Variants in F13A1 observed in about 807,000 individuals in gnomAD.
The protein encoded by F13A1 is coagulation factor XIII A chain.
In F13A1, 47 loss-of-function variants were observed where a neutral mutation model predicts 80.1. That is an observed-to-expected ratio of 0.59 (90% CI 0.46 to 0.75). The LOEUF is 0.75. F13A1 is among the 30% of genes least tolerant of loss of function. F13A1 has a pLI of 0.00. For missense variants in F13A1, 817 were observed against 930.4 expected, an observed-to-expected ratio of 0.88 and a Z score of 1.59; for synonymous variants, 349 against 344.9, an observed-to-expected ratio of 1.01 and a Z score of -0.13.
chr6:6,167,061 G>A (rs1196775747), intron 13 of F13A1, among the ~76,000 whole-genome samples: 1 of 152,112 alleles, frequency 6.6e-6, no homozygotes, highest in Non-Finnish European at 1.5e-5. Flanking sequence ...CAATATTACT[G>A]TCCAAAATGT....
At chr6:6,251,759 T>C (rs569301150) in intron 4 of F13A1, among the ~76,000 whole-genome samples, 1 of 152,268 alleles carries the variant, frequency 6.6e-6, no homozygotes, top group South Asian at 2.1e-4. Context: ...AAAGGAATGG[T>C]AGAATTAGAA....
chr6:6,272,504 C>T (rs936196592), intron 3 of F13A1, among the ~76,000 whole-genome samples: 31 of 152,138 alleles, frequency 2.0e-4, no homozygotes, highest in Admixed American at 3.3e-4. Context: ...CCACTTCTCT[C>T]CTCTTTTGGG....
chr6:6,276,396 G>A lies in F13A1; in HGVS notation c.320-9587C>T, dbSNP rs527547610. Reference sequence around the variant, plus strand: ...CCTCCATGTGCCTCCAGCTCCTGGTGTGGTGGCAGTTTTCTACTGTTCCTA... The same window carrying A: ...CCTCCATGTGCCTCCAGCTCCTGGTATGGTGGCAGTTTTCTACTGTTCCTA... On this transcript the variant is annotated intron_variant, in intron 3 of 14. Transcript: ENST00000264870. 7.2e-4 allele frequency among the ~76,000 whole-genome samples: 110 copies of A among 152,296 alleles called. 1 individual carries two copies. The highest frequency in any genetic ancestry group is 1.4e-3 in the Non-Finnish European group (95 of 68,018).
At chr6:6,258,061 T>A (rs188572761) in intron 4 of F13A1, among the ~76,000 whole-genome samples, 113 of 152,308 alleles carry the variant, frequency 7.4e-4, no homozygotes, top group Non-Finnish European at 1.3e-3. Flanking sequence ...CCACGTTGAT[T>A]AGGTCATTAC....
intron 8 of F13A1, among the ~76,000 whole-genome samples, chr6:6,209,722 C>T (rs965144840): frequency 3.3e-5 from 5 of 152,112 alleles, no homozygotes; most frequent in African/African-American, 7.2e-5. Flanking sequence ...GAACACGTTA[C>T]GCTAAGTGAA....
chr6:6,281,209 A>G (rs536487185), intron 3 of F13A1, among the ~76,000 whole-genome samples: 1 of 152,358 alleles, frequency 6.6e-6, no homozygotes, highest in East Asian at 1.9e-4. Context: ...CACTTTGTAG[A>G]AAATAATTCC....
chr6:6,288,882 T>C (rs1375164638), intron 3 of F13A1, among the ~76,000 whole-genome samples: 1 of 152,216 alleles, frequency 6.6e-6, no homozygotes, highest in Non-Finnish European at 1.5e-5. Context: ...GGTTTTAATT[T>C]GCGTTTCCCT....
chr6:6,309,553 T>C (rs991635848), intron 2 of F13A1, among the ~76,000 whole-genome samples: 1 of 152,106 alleles, frequency 6.6e-6, no homozygotes, highest in African/African-American at 2.4e-5. Flanking sequence ...AATGTACTAG[T>C]GGGAGCCACG....
chr6:6,286,960 A>G (rs983511093), intron 3 of F13A1, among the ~76,000 whole-genome samples: 4 of 152,224 alleles, frequency 2.6e-5, no homozygotes, highest in African/African-American at 9.6e-5. Flanking sequence ...GCTTTCCTAC[A>G]TAGTTGCAAT....
chr6:6,224,194 T>C (rs931626561), intron 7 of F13A1, among the ~76,000 whole-genome samples: 2 of 152,176 alleles, frequency 1.3e-5, no homozygotes, highest in African/African-American at 4.8e-5. Flanking sequence ...AAAATGAATA[T>C]GAGACCACCT....
intron 11 of F13A1, 85 bp from the exon 12 acceptor site, chr6:6,174,952 C>CT: frequency 2.0e-6 from 3 of 1,506,000 alleles, no homozygotes; most frequent in Non-Finnish European, 2.8e-6. Flanking sequence ...GTGTACTGCA[C>CT]TTGTTGGGGT....
At chr6:6,158,102 A>T (rs554211753) in intron 13 of F13A1, among the ~76,000 whole-genome samples, 64 of 152,234 alleles carry the variant, frequency 4.2e-4, no homozygotes, top group South Asian at 3.5e-3. Flanking sequence ...AGCAGGGCTG[A>T]AGGTGTCCCC....
rs1398672053 is a variant in F13A1, at chr6:6,145,366, T to G, written c.*253A>C. On this transcript the variant is annotated 3_prime_UTR_variant, in exon 15 of 15. Transcript: ENST00000264870. ...TGATGACTGTTACTCTTATGAGCTATGAGAGCTTAATTAAAGCTAATGCTT... is the reference window on the plus strand; with the variant it reads ...TGATGACTGTTACTCTTATGAGCTAGGAGAGCTTAATTAAAGCTAATGCTT... The G allele has an allele frequency of 1.9e-6, 1 of 524,224 alleles. No homozygotes were observed. Among genetic ancestry groups the G allele is most frequent in the Non-Finnish European group, 3.5e-6 (1 of 289,406 alleles). The allele number at this position is 524,224 out of a possible 1,614,324, so 32.5% of individuals were successfully genotyped here.
intron 8 of F13A1, among the ~76,000 whole-genome samples, chr6:6,199,205 A>G (rs191540622): frequency 1.7e-4 from 26 of 152,274 alleles, no homozygotes; most frequent in Non-Finnish European, 2.4e-4. Flanking sequence ...GAACAGTACT[A>G]TTGGTCGGGC....
At chr6:6,277,624 C>T (rs967230432) in intron 3 of F13A1, among the ~76,000 whole-genome samples, 8 of 152,168 alleles carry the variant, frequency 5.3e-5, no homozygotes, top group Admixed American at 1.3e-4. Flanking sequence ...GTTTTGATTG[C>T]GTAAGAGACT....
intron 3 of F13A1, 69 bp from the exon 4 acceptor site, chr6:6,266,878 T>C: frequency 6.2e-7 from 1 of 1,601,058 alleles, no homozygotes; most frequent in Non-Finnish European, 8.6e-7. Context: ...CACTCTGTTA[T>C]CTTATAGCTG....
At chr6:6,196,914 A>G (rs1485374952) in intron 9 of F13A1, among the ~76,000 whole-genome samples, 2 of 152,242 alleles carry the variant, frequency 1.3e-5, no homozygotes, top group African/African-American at 2.4e-5. Context: ...AGTATATTTT[A>G]TAGCCTAGTA....
At chr6:6,220,670 G>A (rs757699610) in intron 8 of F13A1, among the ~76,000 whole-genome samples, 7 of 152,084 alleles carry the variant, frequency 4.6e-5, no homozygotes, top group South Asian at 2.1e-4. Context: ...AGTTTTTGGG[G>A]TGACTATTTT....
intron 12 of F13A1, among the ~76,000 whole-genome samples, chr6:6,171,495 C>T (rs1178053645): frequency 1.3e-5 from 2 of 152,250 alleles, no homozygotes; most frequent in African/African-American, 4.8e-5. Flanking sequence ...GCTCCACCTT[C>T]AGCACATGCC....
Sources: gnomAD v4.1 joint callset for allele counts (sites outside exome capture counted in the v4.1 genomes callset) on GRCh38, gnomAD v4.1.1 for gene constraint, MANE v1.5 for transcripts, NCBI Gene and HGNC (gene_info 2026-07-23, HGNC 2026-07-21) for gene names.